NAA35: variants seen among roughly 807,000 people sequenced by gnomAD.
NAA35 encodes MAK10 homolog, amino-acid N-acetyltransferase subunit.
A neutral mutation model predicts 101.7 loss-of-function variants in NAA35; 18 were observed. The observed-to-expected ratio is 0.18, with a 90% CI of 0.12 to 0.26. NAA35 has a LOEUF of 0.26. Among genes scored for constraint, NAA35 ranks in the 10% least tolerant of loss-of-function variants. The pLI, the probability that NAA35 is intolerant of heterozygous loss-of-function variation, is 1.00. For missense variants in NAA35, 601 were observed against 886.8 expected (o/e 0.68, Z 4.09); for synonymous variants, 267 against 273.1 (o/e 0.98, Z 0.22).
Position 85,968,393 on chromosome 9 carries a change from G to T in NAA35, c.516+6213G>T, listed in dbSNP as rs372651621. On this transcript the variant is annotated intron_variant, in intron 6 of 22. Transcript: ENST00000361671. ...ACCTGGCTAATTTTTTGTATTTTTAGTAGAGATGGGGTTTCACTGTGTTAG... is the reference window on the plus strand; with the variant it reads ...ACCTGGCTAATTTTTTGTATTTTTATTAGAGATGGGGTTTCACTGTGTTAG... Among the ~76,000 whole-genome samples, 34 of 152,208 alleles carry T rather than the reference G, an allele frequency of 2.2e-4. No homozygotes were observed. In the East Asian group the frequency reaches 6.4e-3, roughly 29 times the overall value.
rs530561091 is a variant in NAA35 at position 86,015,386 on chromosome 9, C to T, written c.1569-1153C>T. Among the ~76,000 whole-genome samples the T allele has an allele frequency of 4.6e-5, 7 of 152,140 alleles. No homozygotes were observed. The South Asian group carries it at 8.3e-4, about 18-fold the overall frequency. ...TACAGATTGGGCTCCTGCATTTCCCCGAGATAACCTTTAGTTGTTTTTCAT... is the reference window on the plus strand; with the variant it reads ...TACAGATTGGGCTCCTGCATTTCCCTGAGATAACCTTTAGTTGTTTTTCAT... On this transcript the variant is annotated intron_variant, in intron 17 of 22. Transcript: ENST00000361671.
intron 1 of NAA35, chr9:85,941,694 G>GCCGGCTCTGGC (rs1828524894): frequency 2.0e-6 from 2 of 986,246 alleles, no homozygotes; most frequent in Admixed American, 1.2e-4. Flanking sequence ...CTGGGTCCGG[G>GCCGGCTCTGGC]CCGGCTCTGG....
intron 1 of NAA35, chr9:85,941,637 A>C (rs1290773152): frequency 2.0e-6 from 2 of 986,130 alleles, no homozygotes; most frequent in African/African-American, 3.5e-5. Context: ...GGCCGGCGGG[A>C]CCCTGCGGTG....
chr9:85,953,935 C>A (rs937065967), intron 2 of NAA35, among the ~76,000 whole-genome samples: 1 of 152,100 alleles, frequency 6.6e-6, no homozygotes, highest in Non-Finnish European at 1.5e-5. Context: ...TGTCAATGGG[C>A]GCTTGGGTTG....
At chr9:85,978,827 AT>A (rs1211080512) in intron 11 of NAA35, among the ~76,000 whole-genome samples, 1 of 151,870 alleles carries the variant, frequency 6.6e-6, no homozygotes, top group Non-Finnish European at 1.5e-5. Flanking sequence ...AGGAGAGGAG[AT>A]TTGTTTCAGG....
intron 19 of NAA35, 127 bp downstream of exon 19, chr9:86,017,692 G>T: frequency 1.3e-6 from 1 of 756,000 alleles, no homozygotes. Flanking sequence ...CTGTCTGCTT[G>T]AAGATTACCT....
intron 11 of NAA35, among the ~76,000 whole-genome samples, 181 bp from the exon 12 acceptor site, chr9:85,996,218 T>G (rs187568214): frequency 3.3e-5 from 5 of 152,312 alleles, no homozygotes; most frequent in Admixed American, 3.3e-4. Context: ...TCTACTTGTT[T>G]AGTTTTTAAA....
intron 2 of NAA35, among the ~76,000 whole-genome samples, chr9:85,945,140 G>A (rs1008417507): frequency 3.3e-5 from 5 of 152,172 alleles, no homozygotes; most frequent in Non-Finnish European, 7.3e-5. Context: ...GGGAGATAAA[G>A]TTTAATCCAT....
intron 6 of NAA35, among the ~76,000 whole-genome samples, chr9:85,973,738 A>G (rs1337414750): frequency 6.6e-6 from 1 of 151,518 alleles, no homozygotes; most frequent in African/African-American, 2.4e-5. Flanking sequence ...TAGCTCTGTA[A>G]TATGATGAGT....
Position 85,996,530 on chromosome 9 carries a change from A to G in NAA35, c.1009A>G (p.Lys337Glu). The G allele has an allele frequency of 6.3e-7, 1 of 1,599,910 alleles. No homozygotes were observed. Among genetic ancestry groups the G allele is most frequent in the Non-Finnish European group, 8.5e-7 (1 of 1,176,110 alleles). ...NYFARLIDRI[K>E]TVCEVVNLTN... is the part of the protein sequence containing the mutation. Reference sequence around the variant, plus strand: ...TTTTGCAAGATTAATAGATAGAATAAAAACTGTCTGTGAGGTTGTGAATTT... The same window carrying G: ...TTTTGCAAGATTAATAGATAGAATAGAAACTGTCTGTGAGGTTGTGAATTT... The change falls in exon 12 of 23, where the codon AAA becomes GAA. Residue 337 changes from lysine to glutamate, a missense_variant. Around this residue, in one of 8 missense-constraint regions of NAA35, gnomAD observed 190 missense variants for 223.1 expected, o/e 0.85. Transcript: ENST00000361671.
chr9:85,944,282 A>G (rs1828657932), intron 2 of NAA35, among the ~76,000 whole-genome samples: 1 of 152,200 alleles, frequency 6.6e-6, no homozygotes, highest in African/African-American at 2.4e-5. Flanking sequence ...GAGATAGTGG[A>G]TGTAAAGTAC....
chr9:85,995,884 C>T (rs1831133147), intron 11 of NAA35, among the ~76,000 whole-genome samples: 1 of 152,134 alleles, frequency 6.6e-6, no homozygotes, highest in South Asian at 2.1e-4. Context: ...GTAATTACAT[C>T]TCTGTTCCAA....
rs150386053 is a variant in NAA35, at chr9:85,984,847, T to A, written c.877+6466T>A. Reference sequence around the variant, plus strand: ...GGAGGATAAAGTTGGATACTCCCCATCACCCCTGCTGGTCTTATGCAAAAG... The same window carrying A: ...GGAGGATAAAGTTGGATACTCCCCAACACCCCTGCTGGTCTTATGCAAAAG... On this transcript the variant is annotated intron_variant, in intron 11 of 22. Coordinates refer to ENST00000361671, the MANE Select transcript of NAA35 (RefSeq NM_024635.4). Among the ~76,000 whole-genome samples the A allele has an allele frequency of 2.0e-5, 3 of 152,284 alleles. No homozygotes were observed. In the East Asian group the frequency reaches 5.8e-4, roughly 29 times the overall value.
intron 11 of NAA35, chr9:85,986,417 T>G: frequency 2.1e-6 from 1 of 470,136 alleles, no homozygotes; most frequent in Non-Finnish European, 4.4e-6. Context: ...TTGTATGTGG[T>G]TACAGTGCTA....
intron 11 of NAA35, among the ~76,000 whole-genome samples, chr9:85,981,556 A>T (rs901405215): frequency 1.1e-4 from 17 of 152,186 alleles, no homozygotes; most frequent in African/African-American, 3.6e-4. Flanking sequence ...CAGTGTTAAA[A>T]ATAGCTTGTG....
chr9:86,022,482 C>G lies in NAA35; in HGVS notation c.*522C>G, dbSNP rs963073783. Among the ~76,000 whole-genome samples, 3 of 151,768 alleles carry G rather than the reference C, an allele frequency of 2.0e-5. No homozygotes were observed. Among genetic ancestry groups the G allele is most frequent in the African/African-American group, 4.9e-5 (2 of 41,188 alleles). ...ATTTAGAAGGGATTTTTGGGAGGGC[C>G]TCTAAATTACATGAAAATTGTGATT... On this transcript the variant is annotated 3_prime_UTR_variant, in exon 23 of 23. Coordinates refer to ENST00000361671, the MANE Select transcript of NAA35 (RefSeq NM_024635.4).
At chr9:85,952,477 G>A (rs552778580) in intron 2 of NAA35, among the ~76,000 whole-genome samples, 1 of 151,900 alleles carries the variant, frequency 6.6e-6, no homozygotes, top group South Asian at 2.1e-4. Context: ...TTGAGACGGG[G>A]TTTCACCATG....
chr9:85,984,305 G>C lies in NAA35; in HGVS notation c.877+5924G>C, dbSNP rs11141168. 3.0e-3 allele frequency among the ~76,000 whole-genome samples: 455 copies of C among 152,168 alleles called. 2 individuals are homozygous for C. The highest frequency in any genetic ancestry group is 0.022 in the East Asian group (113 of 5,182). On this transcript the variant is annotated intron_variant, in intron 11 of 22. Transcript: ENST00000361671. ...GATTGTACCACTGCATTCCAGCCTG[G>C]ACGACAGTGAGAGACCCTGTCTTTT...
Position 85,977,455 on chromosome 9 carries a change from A to G in NAA35, c.762+9A>G. 3.9e-6 allele frequency: 6 copies of G among 1,555,526 alleles called. No homozygotes were observed. Among genetic ancestry groups the G allele is most frequent in the Non-Finnish European group, 5.3e-6 (6 of 1,128,174 alleles). ...CCTTTACTAAGAAAGAGGTAAGGGC[A>G]TTCAATATAATATGTCTATTTGTTT... On this transcript the variant is annotated intron_variant, in intron 10 of 22. Transcript: ENST00000361671.
Sources: allele counts gnomAD v4.1 joint callset (sites outside exome capture counted in the v4.1 genomes callset), GRCh38; gene constraint gnomAD v4.1.1; regional missense constraint gnomAD v4.1.1; transcripts MANE v1.5; gene names NCBI Gene and HGNC (gene_info 2026-07-23, HGNC 2026-07-21).